LRFN2: variants seen among roughly 807,000 people sequenced by gnomAD.
The protein encoded by LRFN2 is leucine-rich repeat and fibronectin type-III domain-containing protein 2.
LRFN2 carries 18 observed loss-of-function variants against 37.3 expected under a neutral mutation model. The observed-to-expected ratio is 0.48, with a 90% CI of 0.33 to 0.72. The LOEUF is 0.72. LRFN2 is among the 30% of genes least tolerant of loss of function. The pLI is 0.02. For synonymous variants in LRFN2, 556 were observed against 466.6 expected, an observed-to-expected ratio of 1.19 and a Z score of -2.47; for missense variants, 1,006 against 1,060.7, an observed-to-expected ratio of 0.95 and a Z score of 0.72.
chr6:40,496,272 T>C (rs1297906463), intron 1 of LRFN2, among the ~76,000 whole-genome samples: 1 of 152,150 alleles, frequency 6.6e-6, no homozygotes, highest in Non-Finnish European at 1.5e-5. Flanking sequence ...TAATTTATCC[T>C]GTCATTCTGG....
intron 2 of LRFN2, among the ~76,000 whole-genome samples, chr6:40,413,994 A>C (rs888372311): frequency 2.4e-4 from 36 of 152,250 alleles, no homozygotes; most frequent in African/African-American, 8.4e-4. Context: ...TCTATTTTGA[A>C]GACATTACCT....
At chr6:40,555,334 C>T (rs1008485909) in intron 1 of LRFN2, among the ~76,000 whole-genome samples, 4 of 152,120 alleles carry the variant, frequency 2.6e-5, no homozygotes, top group East Asian at 1.9e-4. Context: ...GAGGCTGGGC[C>T]GGAGATGAGC....
Position 40,392,738 on chromosome 6 carries a change from C to T in LRFN2, c.1575G>A (p.Met525Ile), listed in dbSNP as rs566688459. Reference sequence around the variant, plus strand: ...TGGTGCCGCCCAGAATCTGGCTGTGCATGGACTGGCACTGCGGGTAGTCAG... The same window carrying T: ...TGGTGCCGCCCAGAATCTGGCTGTGTATGGACTGGCACTGCGGGTAGTCAG... ...TKADYPQCQS[M>I]HSQILGGTMI... Residue 525 changes from methionine (M) to isoleucine (I), a missense_variant, in exon 3 of 3, where the codon ATG (methionine) becomes ATA (isoleucine). Physicochemically the swap from Met to Ile is conservative, Grantham distance 10. Coordinates refer to ENST00000338305, the MANE Select transcript of LRFN2 (RefSeq NM_020737.3). This position sits in a 1 kb window ranked among gnomAD's most constrained non-coding sequence, Gnocchi z 4.7. 1.2e-6 allele frequency: 2 copies of T among 1,614,136 alleles called. No individual in the cohort carries two copies. Among genetic ancestry groups the T allele is most frequent in the East Asian group, 4.5e-5 (2 of 44,870 alleles).
chr6:40,485,060 G>T (rs1353392072), intron 1 of LRFN2, among the ~76,000 whole-genome samples: 2 of 152,220 alleles, frequency 1.3e-5, no homozygotes, highest in African/African-American at 4.8e-5. Flanking sequence ...CGCCAACCTT[G>T]TGTAGGAAAG....
chr6:40,520,498 G>C (rs1353968546), intron 1 of LRFN2, among the ~76,000 whole-genome samples: 2 of 152,196 alleles, frequency 1.3e-5, no homozygotes, highest in African/African-American at 4.8e-5. Context: ...CTCCCTTGCA[G>C]ACTTGGGTCC....
chr6:40,450,447 C>T (rs904085316), intron 1 of LRFN2, among the ~76,000 whole-genome samples: 2 of 152,216 alleles, frequency 1.3e-5, no homozygotes, highest in Non-Finnish European at 2.9e-5. Flanking sequence ...ATGTCAAAGG[C>T]CCCTGAGCAC....
At chr6:40,500,951 CT>C (rs5875720) in intron 1 of LRFN2, among the ~76,000 whole-genome samples, 57,316 of 139,668 alleles carry the variant, frequency 0.41, 11,267 homozygotes, top group East Asian at 0.53. Flanking sequence ...TGTTTTTTCA[CT>C]TTTTTTTTTT....
intron 1 of LRFN2, among the ~76,000 whole-genome samples, chr6:40,463,146 C>T (rs1764381636): frequency 6.6e-6 from 1 of 152,152 alleles, no homozygotes; most frequent in African/African-American, 2.4e-5. Context: ...TAATAAGGTG[C>T]AAGGAGCTTG....
intron 1 of LRFN2, among the ~76,000 whole-genome samples, chr6:40,554,875 G>A (rs396125): frequency 0.12 from 18,545 of 152,160 alleles, 1,345 homozygotes; most frequent in Non-Finnish European, 0.16. Flanking sequence ...TCAGCCTACC[G>A]GCACAGTTCT....
chr6:40,530,620 C>T (rs1368214469), intron 1 of LRFN2, among the ~76,000 whole-genome samples: 2 of 151,916 alleles, frequency 1.3e-5, no homozygotes, highest in African/African-American at 2.4e-5. Flanking sequence ...GCCCCTGAAC[C>T]CTGGTTCTCC....
intron 2 of LRFN2, among the ~76,000 whole-genome samples, chr6:40,426,512 C>T (rs574526847): frequency 3.0e-4 from 45 of 152,188 alleles, no homozygotes; most frequent in Admixed American, 4.6e-4. Flanking sequence ...CACATGCTAG[C>T]GAGAGGAAGA....
intron 1 of LRFN2, among the ~76,000 whole-genome samples, chr6:40,455,107 T>C (rs1412574230): frequency 6.6e-6 from 1 of 152,238 alleles, no homozygotes; most frequent in Admixed American, 6.5e-5. Context: ...AAACTATTTG[T>C]AAAGTAAATA....
chr6:40,454,442 G>T (rs1055133280), intron 1 of LRFN2, among the ~76,000 whole-genome samples: 1 of 152,170 alleles, frequency 6.6e-6, no homozygotes, highest in Non-Finnish European at 1.5e-5. Flanking sequence ...TTTCAAGGGT[G>T]CAATGGGCAG....
chr6:40,518,886 C>T lies in LRFN2; in HGVS notation c.-19+68055G>A, dbSNP rs181447613. Among the ~76,000 whole-genome samples, 116 of 152,090 alleles carry T rather than the reference C, an allele frequency of 7.6e-4. 1 individual carries two copies. The highest frequency in any genetic ancestry group is 2.5e-3 in the African/African-American group (102 of 41,494). On this transcript the variant is annotated intron_variant, in intron 1 of 2. Transcript: ENST00000338305. ...CAGGGGAGCAGGCTCAGAAGCAAGT[C>T]GGTGAAGGTGGGTGGGCGAGGGGGT... is the stretch of plus-strand genomic sequence containing the variant.
At chr6:40,570,823 G>C (rs2113794347) in intron 1 of LRFN2, among the ~76,000 whole-genome samples, 1 of 152,372 alleles carries the variant, frequency 6.6e-6, no homozygotes, top group East Asian at 1.9e-4. Flanking sequence ...ATCTTTTCTA[G>C]TAAATGTTCA....
At chr6:40,584,393 A>C (rs846531) in intron 1 of LRFN2, among the ~76,000 whole-genome samples, 99,446 of 152,090 alleles carry the variant, frequency 0.65, 33,524 homozygotes, top group African/African-American at 0.8. Context: ...AACCCAGGCC[A>C]CCCAAGTTGA....
intron 2 of LRFN2, among the ~76,000 whole-genome samples, chr6:40,415,075 A>C (rs4329094): frequency 0.76 from 115,046 of 152,076 alleles, 45,003 homozygotes; most frequent in East Asian, 0.92. Flanking sequence ...ACATCACAAA[A>C]CCTGCACACA....
intron 1 of LRFN2, among the ~76,000 whole-genome samples, chr6:40,532,329 A>G (rs1172361046): frequency 6.6e-6 from 1 of 152,188 alleles, no homozygotes; most frequent in Non-Finnish European, 1.5e-5. Context: ...GGTCACACTC[A>G]CCCATATAGT....
intron 1 of LRFN2, among the ~76,000 whole-genome samples, chr6:40,506,213 C>T (rs188485472): frequency 5.0e-4 from 76 of 152,282 alleles, no homozygotes; most frequent in African/African-American, 1.8e-3. Context: ...TGTCTACACC[C>T]GCTTCCCTCC....
Sources: allele counts gnomAD v4.1 joint callset (sites outside exome capture counted in the v4.1 genomes callset), GRCh38; gene constraint gnomAD v4.1.1; non-coding constraint Gnocchi (gnomAD v3.1); transcripts MANE v1.5; gene names NCBI Gene and HGNC (gene_info 2026-07-23, HGNC 2026-07-21).